RBFOX1: variants seen among roughly 807,000 people sequenced by gnomAD.
RBFOX1 encodes the protein RNA binding protein fox-1 homolog 1.
Under a neutral mutation model 57.7 loss-of-function variants are expected in RBFOX1, and 8 were observed. The observed-to-expected ratio is 0.14, with a 90% CI of 0.08 to 0.25. RBFOX1 has a LOEUF of 0.25. RBFOX1 is among the 10% of genes least tolerant of loss of function. The probability of loss-of-function intolerance (pLI) is 1.00; values close to 1 mark genes in which losing one functional copy is unlikely to be tolerated. For missense variants in RBFOX1, 611 were observed against 548.5 expected, an observed-to-expected ratio of 1.11 and a Z score of -1.14; for synonymous variants, 326 against 222.4, an observed-to-expected ratio of 1.47 and a Z score of -4.15.
chr16:7,027,357 A>G (rs1281912354), intron 3 of RBFOX1, among the ~76,000 whole-genome samples: 1 of 152,198 alleles, frequency 6.6e-6, no homozygotes, highest in East Asian at 1.9e-4. Context: ...GAACTGCTTA[A>G]AGTATTTTTT....
chr16:6,918,509 G>C (rs76592339), intron 3 of RBFOX1, among the ~76,000 whole-genome samples: 4 of 152,074 alleles, frequency 2.6e-5, no homozygotes, highest in Admixed American at 1.3e-4. Context: ...GTCTGCCTGG[G>C]CCCTAATTCA....
intron 4 of RBFOX1, among the ~76,000 whole-genome samples, chr16:7,353,410 T>C (rs974377262): frequency 6.6e-6 from 1 of 152,194 alleles, no homozygotes; most frequent in Admixed American, 6.5e-5. Context: ...TGAGTATTTT[T>C]CTTAAAAAAA....
At chr16:7,241,495 G>C (rs1373934622) in intron 4 of RBFOX1, among the ~76,000 whole-genome samples, 1 of 152,130 alleles carries the variant, frequency 6.6e-6, no homozygotes, top group African/African-American at 2.4e-5. Context: ...TCTTGAAACA[G>C]GACATCTTGA....
intron 4 of RBFOX1, among the ~76,000 whole-genome samples, chr16:7,441,973 A>G (rs1239379016): frequency 1.3e-5 from 2 of 152,208 alleles, no homozygotes; most frequent in Non-Finnish European, 2.9e-5. Flanking sequence ...CTTTGCTGCC[A>G]TGCCTGAAGA....
chr16:7,437,506 A>T (rs1468367962), intron 4 of RBFOX1, among the ~76,000 whole-genome samples: 1 of 152,170 alleles, frequency 6.6e-6, no homozygotes, highest in African/African-American at 2.4e-5. Flanking sequence ...TTCTAATTAG[A>T]GCCAAGCTGC....
intron 4 of RBFOX1, among the ~76,000 whole-genome samples, chr16:7,253,545 C>T (rs978273314): frequency 2.0e-5 from 3 of 152,160 alleles, no homozygotes; most frequent in African/African-American, 7.2e-5. Context: ...ATTAAATGCA[C>T]TCTCACCTCT....
At position 6,947,390 on chromosome 16, in the gene RBFOX1, C is replaced by T. The variant is rs1459270486; in HGVS notation, c.-15-104667C>T. 2.4e-4 allele frequency among the ~76,000 whole-genome samples: 36 copies of T among 152,186 alleles called. 1 individual carries two copies. Among genetic ancestry groups the T allele is most frequent in the Admixed American group, 2.4e-3 (36 of 15,278 alleles). The stretch of plus-strand genomic sequence containing the variant: ...GCCTTTTGCATCTTAATCGCTCTCC[C>T]TGGTTTCCTAAGAGAAGGAACAGAT... On this transcript the variant is annotated intron_variant, in intron 3 of 15. Transcript: ENST00000550418.
chr16:7,090,806 A>G (rs1463616775), intron 4 of RBFOX1, among the ~76,000 whole-genome samples: 2 of 152,182 alleles, frequency 1.3e-5, no homozygotes, highest in Admixed American at 6.5e-5. Context: ...CAGGGAAGTC[A>G]CGTTTACTGA....
intron 4 of RBFOX1, among the ~76,000 whole-genome samples, chr16:7,451,924 C>A (rs2098866420): frequency 6.6e-6 from 1 of 151,968 alleles, no homozygotes; most frequent in Admixed American, 6.6e-5. Context: ...ACGATTTGTA[C>A]CATCTGGGTA....
chr16:6,261,844 A>AAAAAC (rs1315663027), intron 1 of RBFOX1, among the ~76,000 whole-genome samples: 1 of 147,376 alleles, frequency 6.8e-6, no homozygotes, highest in Non-Finnish European at 1.5e-5. Flanking sequence ...AAAAATACCA[A>AAAAAC]AAAACAAAAC....
At chr16:6,799,765 G>C (rs1331625680) in intron 3 of RBFOX1, among the ~76,000 whole-genome samples, 1 of 152,054 alleles carries the variant, frequency 6.6e-6, no homozygotes, top group Non-Finnish European at 1.5e-5. Flanking sequence ...AGGTTCTTTA[G>C]CCTTTGGACC....
At chr16:6,967,267 C>T (rs550310785) in intron 3 of RBFOX1, among the ~76,000 whole-genome samples, 3 of 152,020 alleles carry the variant, frequency 2.0e-5, no homozygotes, top group Non-Finnish European at 2.9e-5. Flanking sequence ...TCTGTACACT[C>T]ATCATTTCAT....
At chr16:5,730,970 C>T (rs112684963) in intron 3 of RBFOX1, among the ~76,000 whole-genome samples, 3 of 148,462 alleles carry the variant, frequency 2.0e-5, no homozygotes, top group Non-Finnish European at 3.1e-5. Flanking sequence ...CCGTCATCAT[C>T]GTTACCGTCA....
intron 2 of RBFOX1, among the ~76,000 whole-genome samples, chr16:6,407,454 A>G (rs867451886): frequency 2.7e-4 from 41 of 151,886 alleles, no homozygotes; most frequent in African/African-American, 9.9e-4. Context: ...TTTTATGTAT[A>G]TCTATGTCTG....
intron 4 of RBFOX1, among the ~76,000 whole-genome samples, chr16:7,259,045 A>G (rs1273780369): frequency 6.6e-6 from 1 of 152,150 alleles, no homozygotes; most frequent in Non-Finnish European, 1.5e-5. Context: ...TCTACCTTTG[A>G]GAAAACTAGT....
At chr16:6,441,800 C>T (rs919846657) in intron 2 of RBFOX1, among the ~76,000 whole-genome samples, 3 of 152,152 alleles carry the variant, frequency 2.0e-5, no homozygotes, top group African/African-American at 7.2e-5. Context: ...AGCTTTAGCC[C>T]TTGAAGAGAG....
chr16:5,345,690 G>C (rs551809488), intron 1 of RBFOX1, among the ~76,000 whole-genome samples: 3 of 152,260 alleles, frequency 2.0e-5, no homozygotes, highest in East Asian at 1.9e-4. Context: ...ATCTCTTTCC[G>C]ATGCATGGGA....
chr16:7,016,353 C>T (rs1355142878), intron 3 of RBFOX1, among the ~76,000 whole-genome samples: 1 of 152,080 alleles, frequency 6.6e-6, no homozygotes, highest in Non-Finnish European at 1.5e-5. Flanking sequence ...ATAAACTAGC[C>T]TATAGAGTTG....
In RBFOX1 at chr16:6,654,597, T is replaced by C. The variant is rs1206883374; in HGVS notation, c.-63-6T>C. On this transcript the variant is annotated splice_polypyrimidine_tract_variant and splice_region_variant and intron_variant, in intron 2 of 15. Coordinates refer to ENST00000550418, the MANE Select transcript of RBFOX1 (RefSeq NM_018723.4). ...CTCACTTTCCTTTCTTTTCTTCTCTTCTCAGGATATCAAAGCAGACTGCAA... is the reference window on the plus strand; with the variant it reads ...CTCACTTTCCTTTCTTTTCTTCTCTCCTCAGGATATCAAAGCAGACTGCAA... 6.6e-7 allele frequency: 1 copy of C among 1,506,634 alleles called. No individual in the cohort carries two copies. The highest frequency in any genetic ancestry group is 2.6e-5 in the East Asian group (1 of 39,034). 93.3% of individuals were successfully genotyped at this position (1,506,634 alleles called of 1,614,324 possible).
Sources: allele counts gnomAD v4.1 joint callset (sites outside exome capture counted in the v4.1 genomes callset), GRCh38; gene constraint gnomAD v4.1.1; transcripts MANE v1.5; gene names NCBI Gene and HGNC (gene_info 2026-07-23, HGNC 2026-07-21).